The following ATXN1 variants were observed in gnomAD, a reference collection of about 807,000 sequenced individuals.
The protein encoded by ATXN1 is ataxin 1.
In ATXN1, 8 loss-of-function variants were observed where a neutral mutation model predicts 56.4. The observed-to-expected ratio is 0.14, with a 90% confidence interval of 0.08 to 0.26. The LOEUF is 0.26. ATXN1 is among the 10% of genes least tolerant of loss of function. The pLI, the probability that ATXN1 is intolerant of heterozygous loss-of-function variation, is 1.00. For synonymous variants in ATXN1, 514 were observed against 494.6 expected, an observed-to-expected ratio of 1.04 and a Z score of -0.52; for missense variants, 987 against 1,106.5, an observed-to-expected ratio of 0.89 and a Z score of 1.53.
At chr6:16,310,944 A>G (rs1408496644) in intron 7 of ATXN1, among the ~76,000 whole-genome samples, 1 of 152,150 alleles carries the variant, frequency 6.6e-6, no homozygotes, top group African/African-American at 2.4e-5. Flanking sequence ...GTTCTGATAC[A>G]TTTCTAGAAT....
intron 4 of ATXN1, among the ~76,000 whole-genome samples, chr6:16,567,204 GC>G (rs1263643331): frequency 6.6e-6 from 1 of 152,190 alleles, no homozygotes. Flanking sequence ...GGATATGACT[GC>G]CAACTGAAGA....
chr6:16,381,376 A>G (rs1270896676), intron 6 of ATXN1, among the ~76,000 whole-genome samples: 1 of 152,196 alleles, frequency 6.6e-6, no homozygotes, highest in Non-Finnish European at 1.5e-5. Context: ...AGGAGCCACC[A>G]GAAGCTAGGG....
At chr6:16,526,041 C>CTATATATA (rs71769107) in intron 4 of ATXN1, among the ~76,000 whole-genome samples, 51 of 127,120 alleles carry the variant, frequency 4.0e-4, no homozygotes, top group African/African-American at 1.4e-3. Flanking sequence ...AGAAATAAAT[C>CTATATATA]TATATATATA....
At chr6:16,443,715 T>C (rs185626581) in intron 6 of ATXN1, among the ~76,000 whole-genome samples, 1 of 152,240 alleles carries the variant, frequency 6.6e-6, no homozygotes, top group African/African-American at 2.4e-5. Flanking sequence ...GAGTGAGAAC[T>C]GCTATTTTCA....
intron 6 of ATXN1, among the ~76,000 whole-genome samples, chr6:16,366,468 A>C (rs1027649094): frequency 6.6e-6 from 1 of 152,196 alleles, no homozygotes; most frequent in Non-Finnish European, 1.5e-5. Context: ...AGAGACACTT[A>C]AACTATATAT....
chr6:16,419,314 T>C (rs1758981726), intron 6 of ATXN1, among the ~76,000 whole-genome samples: 1 of 152,180 alleles, frequency 6.6e-6, no homozygotes, highest in African/African-American at 2.4e-5. Context: ...ACATAATACA[T>C]GTTCAATAAA....
intron 3 of ATXN1, among the ~76,000 whole-genome samples, chr6:16,599,860 CA>C (rs1762883525): frequency 6.6e-6 from 1 of 152,132 alleles, no homozygotes; most frequent in African/African-American, 2.4e-5. Context: ...TCTGTTCCCC[CA>C]AGAGGCCTAT....
At chr6:16,633,574 T>C (rs1763542785) in intron 3 of ATXN1, among the ~76,000 whole-genome samples, 3 of 152,306 alleles carry the variant, frequency 2.0e-5, no homozygotes, top group African/African-American at 7.2e-5. Context: ...GCTGAGTACT[T>C]GCCAACAGAC....
At position 16,526,062 on chromosome 6, in the gene ATXN1, T is replaced by C. The variant is rs2744415; in HGVS notation, c.-360-3374A>G. 2.7e-3 allele frequency among the ~76,000 whole-genome samples: 246 copies of C among 90,972 alleles called. 3 individuals are homozygous for C. The highest frequency in any genetic ancestry group is 0.016 in the East Asian group (61 of 3,796). The allele number at this position is 90,972 out of a possible 152,430, so 59.7% of individuals were successfully genotyped here. The stretch of plus-strand genomic sequence containing the variant: ...AAATCTATATATATATATATATATA[T>C]ATACATACATACAATCTATTTATAA... On this transcript the variant is annotated intron_variant, in intron 4 of 7. Transcript: ENST00000436367.
At chr6:16,758,485 G>A (rs1760955376) in intron 1 of ATXN1, among the ~76,000 whole-genome samples, 1 of 152,212 alleles carries the variant, frequency 6.6e-6, no homozygotes, top group African/African-American at 2.4e-5. Context: ...CAGCTTGTTG[G>A]TCTCCTTTAT....
intron 2 of ATXN1, among the ~76,000 whole-genome samples, chr6:16,677,935 G>T (rs1758721699): frequency 6.6e-6 from 1 of 152,140 alleles, no homozygotes; most frequent in South Asian, 2.1e-4. Flanking sequence ...AAAGTGTTTG[G>T]TGCACTCGAA....
rs1211317464 is a variant in ATXN1, at chr6:16,300,404, G to A, written c.*5925C>T. The A allele has an allele frequency of 6.6e-6, 1 of 152,592 alleles. No individual in the cohort carries two copies. The highest frequency in any genetic ancestry group is 1.5e-5 in the Non-Finnish European group (1 of 68,036). 9.5% of individuals were successfully genotyped at this position (152,592 alleles called of 1,614,324 possible). A position where few individuals can be genotyped will look rare whatever the true frequency, so the allele number is the denominator to read the frequency against. On this transcript the variant is annotated 3_prime_UTR_variant, in exon 8 of 8. Transcript: ENST00000436367. Reference sequence around the variant, plus strand: ...GAGAAAGTTAGCTACCAGAACAGTTGCCTTCAACGAGAAGGGAGGGGACGA... The same window carrying A: ...GAGAAAGTTAGCTACCAGAACAGTTACCTTCAACGAGAAGGGAGGGGACGA...
At chr6:16,650,819 G>A (rs577135220) in intron 3 of ATXN1, among the ~76,000 whole-genome samples, 15 of 152,234 alleles carry the variant, frequency 9.9e-5, no homozygotes, top group South Asian at 6.2e-4. Context: ...TTTTCTGTCC[G>A]TCGTTTTCCT....
intron 2 of ATXN1, among the ~76,000 whole-genome samples, chr6:16,714,268 C>G (rs1057312228): frequency 1.3e-5 from 2 of 151,788 alleles, no homozygotes; most frequent in African/African-American, 4.8e-5. Context: ...CTACACTCAT[C>G]CCTCACTCCC....
rs372206682 is a variant in ATXN1 at position 16,546,800 on chromosome 6, G to A, written c.-360-24112C>T. Among the ~76,000 whole-genome samples the A allele has an allele frequency of 2.6e-5, 4 of 152,324 alleles. No individual in the cohort carries two copies. In the East Asian group the frequency reaches 7.7e-4, roughly 29 times the overall value. ...GTGAGGTGAGATCTCCTATGTTAATGAGTGGTGGGGAGGCATACATAGTTA... is the reference window on the plus strand; with the variant it reads ...GTGAGGTGAGATCTCCTATGTTAATAAGTGGTGGGGAGGCATACATAGTTA... On this transcript the variant is annotated intron_variant, in intron 4 of 7. Coordinates refer to ENST00000436367, the MANE Select transcript of ATXN1 (RefSeq NM_001128164.2).
chr6:16,649,956 T>G (rs912223136), intron 3 of ATXN1, among the ~76,000 whole-genome samples: 69 of 151,956 alleles, frequency 4.5e-4, no homozygotes, highest in Non-Finnish European at 4.9e-4. Flanking sequence ...GTTTTGTTTT[T>G]TTTTTTCCTT....
At chr6:16,489,754 G>A (rs1760622656) in intron 5 of ATXN1, among the ~76,000 whole-genome samples, 1 of 152,110 alleles carries the variant, frequency 6.6e-6, no homozygotes. Flanking sequence ...GGAGTTCAAG[G>A]CTGCAATGCA....
intron 4 of ATXN1, among the ~76,000 whole-genome samples, chr6:16,557,343 A>C (rs1042560525): frequency 6.6e-6 from 1 of 151,612 alleles, no homozygotes; most frequent in East Asian, 1.9e-4. Context: ...AAAAAAAAAA[A>C]AAACAAATCT....
At chr6:16,658,576 A>G (rs951395118) in intron 2 of ATXN1, among the ~76,000 whole-genome samples, 4 of 152,194 alleles carry the variant, frequency 2.6e-5, no homozygotes, top group Non-Finnish European at 4.4e-5. Context: ...TAAAGCCTAC[A>G]CATTAGAACC....
Sources: allele counts gnomAD v4.1 joint callset (sites outside exome capture counted in the v4.1 genomes callset), GRCh38; gene constraint gnomAD v4.1.1; transcripts MANE v1.5; gene names NCBI Gene and HGNC (gene_info 2026-07-23, HGNC 2026-07-21).